Variants in ZER1 observed in about 807,000 individuals in gnomAD.
ZER1 encodes protein zer-1 homolog.
A neutral mutation model predicts 78.8 loss-of-function variants in ZER1; 11 were observed. That is an observed-to-expected ratio of 0.14 (90% CI 0.09 to 0.23). The LOEUF (loss-of-function observed/expected upper bound fraction) is 0.23. ZER1 is among the 10% of genes least tolerant of loss of function. The pLI, the probability that ZER1 is intolerant of heterozygous loss-of-function variation, is 1.00. For synonymous variants in ZER1, 400 were observed against 407.0 expected, an observed-to-expected ratio of 0.98 and a Z score of 0.21; for missense variants, 588 against 996.9, an observed-to-expected ratio of 0.59 and a Z score of 5.52.
At chr9:128,736,519 G>A (rs1474841844) in intron 13 of ZER1, among the ~76,000 whole-genome samples, 2 of 150,780 alleles carry the variant, frequency 1.3e-5, no homozygotes, top group Non-Finnish European at 2.9e-5. Context: ...TCAGCCTCCC[G>A]AGTAGCTGGG....
In ZER1 at chr9:128,732,077, T is replaced by C. The variant is rs1182674596; in HGVS notation, c.2244-683A>G. Among the ~76,000 whole-genome samples the C allele has an allele frequency of 6.6e-6, 1 of 152,246 alleles. No homozygotes were observed. Among genetic ancestry groups the C allele is most frequent in the Non-Finnish European group, 1.5e-5 (1 of 68,048 alleles). ...TGTTAAAGGGATGCCCCAATACCTT[T>C]TAGGAAACAAATACCCAGAGTGGGA... On this transcript the variant is annotated intron_variant, in intron 15 of 15. Transcript: ENST00000291900. The surrounding 1 kb of genome is among the most constrained non-coding windows in gnomAD (Gnocchi z 4.8).
At chr9:128,746,391 T>C (rs1198360790) in intron 8 of ZER1, among the ~76,000 whole-genome samples, 1 of 152,098 alleles carries the variant, frequency 6.6e-6, no homozygotes, top group Non-Finnish European at 1.5e-5. Context: ...TTGATTTCCA[T>C]TTCTGTGACA....
At chr9:128,744,944 G>C (rs1863435947) in intron 8 of ZER1, among the ~76,000 whole-genome samples, 1 of 152,106 alleles carries the variant, frequency 6.6e-6, no homozygotes, top group Non-Finnish European at 1.5e-5. Flanking sequence ...CTAAGAGTTG[G>C]CTACTGTGAG....
chr9:128,748,905 G>A lies in ZER1; in HGVS notation c.1359+1711C>T, dbSNP rs1197856499. ...TATTTTTTAGTAGAGATGGGGTTTC[G>A]CCATGTTGGCCAGGCTGGTCTCAAA... On this transcript the variant is annotated intron_variant, in intron 8 of 15. Coordinates refer to ENST00000291900, the MANE Select transcript of ZER1 (RefSeq NM_006336.4). Among the ~76,000 whole-genome samples the A allele has an allele frequency of 2.8e-5, 4 of 144,966 alleles. No homozygotes were observed. In the East Asian group the frequency reaches 8.3e-4, roughly 30 times the overall value.
chr9:128,751,909 C>A lies in ZER1; in HGVS notation c.924-382G>T, dbSNP rs1459127966. ...GTAGGGTTTGGTCAAACTTCTCAAC[C>A]AACCAATCCAAGAACCGACCTATGT... On this transcript the variant is annotated intron_variant, in intron 5 of 15. Coordinates refer to ENST00000291900, the MANE Select transcript of ZER1 (RefSeq NM_006336.4). The surrounding 1 kb of genome is among the most constrained non-coding windows in gnomAD (Gnocchi z 5.4). Among the ~76,000 whole-genome samples, 3 of 152,182 alleles carry A rather than the reference C, an allele frequency of 2.0e-5. No homozygotes were observed. Among genetic ancestry groups the A allele is most frequent in the South Asian group, 2.1e-4 (1 of 4,824 alleles).
Position 128,755,611 on chromosome 9 carries a change from G to A in ZER1, c.-46C>T. The A allele has an allele frequency of 6.3e-7, 1 of 1,590,490 alleles. No individual in the cohort carries two copies. The highest frequency in any genetic ancestry group is 2.3e-5 in the East Asian group (1 of 44,220). ...CCACTCCAGGACAAGGATCCCCAGG[G>A]GCAACAGTGATTCCTGAATACTCAC... On this transcript the variant is annotated 5_prime_UTR_variant, in exon 2 of 16. Transcript: ENST00000291900. This position sits in a 1 kb window ranked among gnomAD's most constrained non-coding sequence, Gnocchi z 5.6.
In ZER1 at chr9:128,767,820, G is replaced by A. The variant is rs1864263392; in HGVS notation, c.-95+3761C>T. On this transcript the variant is annotated intron_variant, in intron 1 of 15. Coordinates refer to ENST00000291900, the MANE Select transcript of ZER1 (RefSeq NM_006336.4). ...CCACTCCGTGGCATGTCATTTTTTG[G>A]CCACAGCATTGAAAGCTTCCTGAGG... Among the ~76,000 whole-genome samples the A allele has an allele frequency of 2.0e-5, 3 of 152,150 alleles. No individual in the cohort carries two copies. The South Asian group carries it at 6.2e-4, about 32-fold the overall frequency.
chr9:128,736,937 A>G (rs1863104619), intron 13 of ZER1, among the ~76,000 whole-genome samples: 1 of 151,906 alleles, frequency 6.6e-6, no homozygotes. Flanking sequence ...TGAGCTCAGG[A>G]GTTTGAGACC....
intron 1 of ZER1, among the ~76,000 whole-genome samples, chr9:128,760,888 G>A (rs1462644418): frequency 1.3e-5 from 2 of 151,792 alleles, no homozygotes; most frequent in East Asian, 2.0e-4. Flanking sequence ...GGCCAGGCGC[G>A]GTGGCTCACG....
At position 128,731,327 on chromosome 9, in the gene ZER1, A is replaced by C. The variant is rs758226836; in HGVS notation, c.*10T>G. 9.3e-6 allele frequency: 15 copies of C among 1,608,904 alleles called. No homozygotes were observed. In the South Asian group the frequency reaches 1.2e-4, roughly 13 times the overall value. ...GTCCAGAGCGGTGGCGGCCATGGGG[A>C]CGGAGGCCTCTATCTAGACGTGTCC... On this transcript the variant is annotated 3_prime_UTR_variant, in exon 16 of 16. Transcript: ENST00000291900.
chr9:128,736,992 A>G (rs2132397100), intron 13 of ZER1, among the ~76,000 whole-genome samples: 1 of 152,040 alleles, frequency 6.6e-6, no homozygotes, highest in Non-Finnish European at 1.5e-5. Flanking sequence ...AAAGTACAAA[A>G]AATTAGTTGA....
chr9:128,741,878 G>A lies in ZER1; in HGVS notation c.1576-37C>T, dbSNP rs746835678. Reference sequence around the variant, plus strand: ...GACAAGAGTCTGCTAGAGTGCTGGGGCTGAAGAACTCCCACCCCCACGAAC... The same window carrying A: ...GACAAGAGTCTGCTAGAGTGCTGGGACTGAAGAACTCCCACCCCCACGAAC... On this transcript the variant is annotated intron_variant, in intron 9 of 15. Coordinates refer to ENST00000291900, the MANE Select transcript of ZER1 (RefSeq NM_006336.4). 2.5e-6 allele frequency: 4 copies of A among 1,614,080 alleles called. No individual in the cohort carries two copies. The East Asian group carries it at 6.7e-5, about 27-fold the overall frequency.
intron 1 of ZER1, among the ~76,000 whole-genome samples, chr9:128,765,214 C>T (rs1167361323): frequency 6.3e-5 from 1 of 15,836 alleles, no homozygotes; most frequent in Non-Finnish European, 1.1e-4. Context: ...TGCACATGTA[C>T]ACACACACAC....
intron 1 of ZER1, among the ~76,000 whole-genome samples, chr9:128,768,149 A>C (rs1864273713): frequency 6.6e-6 from 1 of 152,332 alleles, no homozygotes; most frequent in South Asian, 2.1e-4. Flanking sequence ...CTGGAAAATC[A>C]GTTTCAGCGA....
chr9:128,752,641 C>T (rs373572110), intron 5 of ZER1, 32 bp downstream of exon 5: 3 of 1,589,960 alleles, frequency 1.9e-6, no homozygotes, highest in Non-Finnish European at 1.7e-6. Flanking sequence ...TGAATGACAC[C>T]CTACCAGTAG....
At chr9:128,745,255 T>C (rs1863449273) in intron 8 of ZER1, among the ~76,000 whole-genome samples, 1 of 147,436 alleles carries the variant, frequency 6.8e-6, no homozygotes, top group Non-Finnish European at 1.5e-5. Context: ...GGCTGGACCA[T>C]AGCTCATTGC....
At chr9:128,741,874 T>A (rs962789597) in intron 9 of ZER1, 33 bp from the exon 10 acceptor site, 1 of 1,614,130 alleles carries the variant, frequency 6.2e-7, no homozygotes, top group Non-Finnish European at 8.5e-7. Flanking sequence ...GCTAGAGTGC[T>A]GGGGCTGAAG....
chr9:128,753,903 C>T lies in ZER1; in HGVS notation c.215G>A (p.Ser72Asn). 1 of 1,598,564 alleles carries T rather than the reference C, an allele frequency of 6.3e-7. No individual in the cohort carries two copies. Among genetic ancestry groups the T allele is most frequent in the Non-Finnish European group, 8.5e-7 (1 of 1,173,046 alleles). Residue 72 changes from serine to asparagine, a missense_variant, in exon 3 of 16, where the codon AGC (serine) becomes AAC (asparagine). Ser to Asn is a conservative substitution (Grantham distance 46). Coordinates refer to ENST00000291900, the MANE Select transcript of ZER1 (RefSeq NM_006336.4). This position sits in a 1 kb window ranked among gnomAD's most constrained non-coding sequence, Gnocchi z 7.5. ...GGTGCTGCGGGGGTCCGAAAAGAGG[C>T]TGAAGAAGCTCTCGTGTGGCTCGAA... ...CNFEPHESFF[S>N]LFSDPRSTRL...
chr9:128,742,895 A>C lies in ZER1; in HGVS notation c.1360-150T>G, dbSNP rs905829545. On this transcript the variant is annotated intron_variant, in intron 8 of 15. Coordinates refer to ENST00000291900, the MANE Select transcript of ZER1 (RefSeq NM_006336.4). Reference sequence around the variant, plus strand: ...GGAGGCTATACAAGTCTTCTCTAAAAAATGTTTTTTAAAAATGTGAAATAT... The same window carrying C: ...GGAGGCTATACAAGTCTTCTCTAAACAATGTTTTTTAAAAATGTGAAATAT... The C allele has an allele frequency of 5.3e-6, 4 of 752,618 alleles. No individual in the cohort carries two copies. In the South Asian group the frequency reaches 7.5e-5, roughly 14 times the overall value. 46.6% of individuals were successfully genotyped at this position (752,618 alleles called of 1,614,324 possible).
Sources: allele counts gnomAD v4.1 joint callset (sites outside exome capture counted in the v4.1 genomes callset), GRCh38; gene constraint gnomAD v4.1.1; non-coding constraint Gnocchi (gnomAD v3.1); transcripts MANE v1.5; gene names NCBI Gene and HGNC (gene_info 2026-07-23, HGNC 2026-07-21).